Variants in ARID4A observed in about 807,000 individuals in gnomAD.
ARID4A encodes the protein AT-rich interactive domain-containing protein 4A.
ARID4A carries 39 observed loss-of-function variants against 148.6 expected under a neutral mutation model. That is an observed-to-expected ratio of 0.26 (90% CI 0.20 to 0.34). The LOEUF is 0.34. ARID4A is among the 10% of genes least tolerant of loss of function. The pLI is 1.00. For synonymous variants in ARID4A, 475 were observed against 481.2 expected, an observed-to-expected ratio of 0.99 and a Z score of 0.17; for missense variants, 1,265 against 1,449.1, an observed-to-expected ratio of 0.87 and a Z score of 2.06.
intron 7 of ARID4A, among the ~76,000 whole-genome samples, chr14:58,319,821 A>T (rs978014174): frequency 4.6e-5 from 7 of 151,596 alleles, no homozygotes; most frequent in African/African-American, 1.7e-4. Flanking sequence ...GACTGGGATT[A>T]TAGATATGAG....
chr14:58,312,788 T>A (rs2032139448), intron 5 of ARID4A, among the ~76,000 whole-genome samples: 1 of 152,312 alleles, frequency 6.6e-6, no homozygotes, highest in South Asian at 2.1e-4. Context: ...ACTTTCTGAT[T>A]CTGTTTCTTT....
rs765867768 is a variant in ARID4A, at chr14:58,323,555, T to C, written c.520T>C (p.Leu174=). Residue 174 remains leucine, a synonymous_variant, in exon 8 of 24, where the codon TTA becomes CTA. Coordinates refer to ENST00000355431, the MANE Select transcript of ARID4A (RefSeq NM_002892.4). The part of the protein sequence containing the change: ...DEDKRRLNDE[L]LGKVVSVVSA... ...AGACAAGCGCCGTCTCAATGATGAA[T>C]TACTAGGAAAAGTTGTAAGTGTGGT... The C allele has an allele frequency of 6.2e-7, 1 of 1,614,152 alleles. No homozygotes were observed. Among genetic ancestry groups the C allele is most frequent in the Non-Finnish European group, 8.5e-7 (1 of 1,180,016 alleles).
chr14:58,301,735 A>G, intron 3 of ARID4A, 45 bp downstream of exon 3: 1 of 1,471,072 alleles, frequency 6.8e-7, no homozygotes, highest in Non-Finnish European at 9.4e-7. Flanking sequence ...TCTAGATTGA[A>G]GAAATTTGGG....
At chr14:58,305,222 T>C (rs1023702873) in intron 4 of ARID4A, among the ~76,000 whole-genome samples, 2 of 152,162 alleles carry the variant, frequency 1.3e-5, no homozygotes, top group African/African-American at 2.4e-5. Flanking sequence ...GGTAATTTAA[T>C]ATATATAAAC....
At chr14:58,338,274 GT>G (rs1295169468) in intron 11 of ARID4A, among the ~76,000 whole-genome samples, 7 of 152,064 alleles carry the variant, frequency 4.6e-5, no homozygotes, top group African/African-American at 1.7e-4. Context: ...ATTTACCTTA[GT>G]TTTAGTATTT....
At chr14:58,340,096 C>G (rs771717721) in intron 11 of ARID4A, among the ~76,000 whole-genome samples, 3 of 152,128 alleles carry the variant, frequency 2.0e-5, no homozygotes, top group Non-Finnish European at 4.4e-5. Context: ...GGTAGGAAGT[C>G]TGTTTACTAG....
Position 58,373,709 on chromosome 14 carries a change from TAATA to T in ARID4A, c.*1723_*1726del, listed in dbSNP as rs1261420110. ...AAAAATGGAGCTCAGTGGGCAGTAT[TAATA>T]AAGGCCATGTTTTAAACATAGGCTT... is the stretch of plus-strand genomic sequence containing the variant. On this transcript the variant is annotated 3_prime_UTR_variant, in exon 24 of 24. Transcript: ENST00000355431. 1 of 172,914 alleles carries T rather than the reference TAATA, an allele frequency of 5.8e-6. No individual in the cohort carries two copies. Among genetic ancestry groups the T allele is most frequent in the African/African-American group, 2.4e-5 (1 of 42,106 alleles). The allele number at this position is 172,914 out of a possible 1,614,324, so 10.7% of individuals were successfully genotyped here. A position where few individuals can be genotyped will look rare whatever the true frequency, so the allele number is the denominator to read the frequency against.
chr14:58,336,883 C>A (rs1198778354), intron 11 of ARID4A, among the ~76,000 whole-genome samples: 2 of 151,184 alleles, frequency 1.3e-5, no homozygotes, highest in Admixed American at 6.6e-5. Flanking sequence ...CTTTCTTTTT[C>A]TTTTTTCTTT....
rs187536024 is a variant in ARID4A at position 58,352,554 on chromosome 14, A to G, written c.1656-1104A>G. 2.4e-4 allele frequency among the ~76,000 whole-genome samples: 37 copies of G among 152,324 alleles called. 1 individual carries two copies. In the South Asian group the frequency reaches 5.0e-3, roughly 20 times the overall value. On this transcript the variant is annotated intron_variant, in intron 16 of 23. Coordinates refer to ENST00000355431, the MANE Select transcript of ARID4A (RefSeq NM_002892.4). The stretch of plus-strand genomic sequence containing the variant: ...ATTTATTTTAGAGAAAATTTCACAG[A>G]CTTGAATGTAAGAACAATATTATCT...
rs969493596 is a variant in ARID4A at position 58,332,645 on chromosome 14, G to A, written c.906+2476G>A. ...CAAAGAGGAGGGGAATGACTATGAT[G>A]TAAAATGAATAAAAATCTGATAAGC... On this transcript the variant is annotated intron_variant, in intron 11 of 23. Coordinates refer to ENST00000355431, the MANE Select transcript of ARID4A (RefSeq NM_002892.4). Among the ~76,000 whole-genome samples the A allele has an allele frequency of 2.0e-5, 3 of 152,228 alleles. No homozygotes were observed. The South Asian group carries it at 6.2e-4, about 32-fold the overall frequency.
Position 58,330,095 on chromosome 14 carries a change from G to T in ARID4A, c.832G>T (p.Asp278Tyr), listed in dbSNP as rs773433551. The change falls in exon 11 of 24, where the codon GAT becomes TAT. Residue 278 changes from aspartate to tyrosine, a missense_variant. Around this residue, in one of 9 missense-constraint regions of ARID4A, gnomAD observed 249 missense variants for 277.2 expected, o/e 0.90. Transcript: ENST00000355431. The part of the protein sequence containing the change: ...ISEILESSSS[D>Y]DEDGPAEEND... ...TGAAATCCTTGAGTCATCCAGTAGT[G>T]ATGATGAAGATGGCCCAGCTGAAGA... The T allele has an allele frequency of 4.3e-6, 7 of 1,613,412 alleles. No homozygotes were observed. In the South Asian group the frequency reaches 7.7e-5, roughly 18 times the overall value.
intron 5 of ARID4A, among the ~76,000 whole-genome samples, chr14:58,317,307 C>T (rs1345289275): frequency 3.6e-5 from 5 of 139,240 alleles, no homozygotes; most frequent in East Asian, 2.1e-4. Flanking sequence ...TTTTTTGGGA[C>T]GGAGTCTTGC....
intron 20 of ARID4A, 30 bp from the exon 21 acceptor site, chr14:58,365,488 T>TTTAAAAA: frequency 7.0e-6 from 8 of 1,135,254 alleles, no homozygotes; most frequent in Non-Finnish European, 9.9e-6. Context: ...TTTTTTTTTT[T>TTTAAAAA]TCAACATTCT....
intron 12 of ARID4A, among the ~76,000 whole-genome samples, chr14:58,345,345 A>G (rs749168490): frequency 2.0e-5 from 3 of 152,212 alleles, no homozygotes; most frequent in Non-Finnish European, 4.4e-5. Flanking sequence ...CTGATATTTC[A>G]GAAATAGAAA....
At position 58,359,200 on chromosome 14, in the gene ARID4A, A is replaced by T. The variant is rs746973379; in HGVS notation, c.1922A>T (p.Gln641Leu). 1 of 1,601,272 alleles carries T rather than the reference A, an allele frequency of 6.2e-7. No individual in the cohort carries two copies. The highest frequency in any genetic ancestry group is 8.5e-7 in the Non-Finnish European group (1 of 1,177,144). Residue 641 changes from glutamine (Q) to leucine (L), a missense_variant, in exon 18 of 24, where the codon CAG becomes CTG. Transcript: ENST00000355431. ...PLDKGGPKKK[Q>L]KKKAKNKEDS... ...GACAAAGGTGGACCAAAGAAAAAAC[A>T]GAAGAAAAAAGCTAAAGTATGTTTG...
At chr14:58,319,223 C>T (rs61974490) in intron 7 of ARID4A, among the ~76,000 whole-genome samples, 10,110 of 91,694 alleles carry the variant, frequency 0.11, 577 homozygotes, top group African/African-American at 0.25. Flanking sequence ...CCACACCCAG[C>T]TAATTTTTTT....
rs551667950 is a variant in ARID4A, at chr14:58,363,962, A to G, written c.2081-208A>G. 3.3e-5 allele frequency among the ~76,000 whole-genome samples: 5 copies of G among 152,244 alleles called. No individual in the cohort carries two copies. In the East Asian group the frequency reaches 9.7e-4, roughly 29 times the overall value. On this transcript the variant is annotated intron_variant, in intron 19 of 23. Coordinates refer to ENST00000355431, the MANE Select transcript of ARID4A (RefSeq NM_002892.4). Reference sequence around the variant, plus strand: ...ATTTGAGTTAGTAATATGCAACGTAATATATTTTTGCTTGGAGCTTAGTTT... The same window carrying G: ...ATTTGAGTTAGTAATATGCAACGTAGTATATTTTTGCTTGGAGCTTAGTTT...
In ARID4A at chr14:58,364,713, T is replaced by A. The variant is rs969725675; in HGVS notation, c.2624T>A (p.Met875Lys). ...PEKKIRIENG[M>K]EMTNTVSQER... is the part of the protein sequence containing the mutation. ...AAAAAAATAAGAATTGAGAATGGAA[T>A]GGAAATGACAAATACTGTATCTCAA... is the stretch of plus-strand genomic sequence containing the variant. The change falls in exon 20 of 24, where the codon ATG becomes AAG. Residue 875 changes from methionine to lysine, a missense_variant. Met to Lys is a moderately conservative substitution (Grantham distance 95). This residue lies in a region of ARID4A where 666 missense variants were observed against 730.9 expected (regional missense o/e 0.91). Transcript: ENST00000355431. The A allele has an allele frequency of 1.9e-6, 3 of 1,613,676 alleles. No homozygotes were observed. Among genetic ancestry groups the A allele is most frequent in the Non-Finnish European group, 2.5e-6 (3 of 1,179,916 alleles).
At chr14:58,356,995 G>A (rs939999018) in intron 17 of ARID4A, among the ~76,000 whole-genome samples, 7 of 152,098 alleles carry the variant, frequency 4.6e-5, no homozygotes, top group Non-Finnish European at 7.4e-5. Flanking sequence ...CACTGCGCCC[G>A]GCCTAAATTT....
Sources: allele counts gnomAD v4.1 joint callset (sites outside exome capture counted in the v4.1 genomes callset), GRCh38; gene constraint gnomAD v4.1.1; regional missense constraint gnomAD v4.1.1; transcripts MANE v1.5; gene names NCBI Gene and HGNC (gene_info 2026-07-23, HGNC 2026-07-21).